SEMA3A: variants seen among roughly 807,000 people sequenced by gnomAD.
SEMA3A encodes semaphorin 3A.
A neutral mutation model predicts 97.9 loss-of-function variants in SEMA3A; 29 were observed. The ratio of observed to expected loss-of-function variants is 0.30; its 90% confidence interval spans 0.22 to 0.40. The LOEUF (loss-of-function observed/expected upper bound fraction) is 0.40, where lower values mean the gene tolerates loss of function less well. Among genes scored for constraint, SEMA3A ranks in the 10% least tolerant of loss-of-function variants. SEMA3A has a pLI of 1.00. For synonymous variants in SEMA3A, 321 were observed against 323.7 expected, an observed-to-expected ratio of 0.99 and a Z score of 0.09; for missense variants, 763 against 951.3, an observed-to-expected ratio of 0.80 and a Z score of 2.60.
intron 14 of SEMA3A, among the ~76,000 whole-genome samples, chr7:83,980,037 G>C (rs982665110): frequency 2.0e-5 from 3 of 152,014 alleles, no homozygotes; most frequent in Non-Finnish European, 4.4e-5. Flanking sequence ...CATAAAGCTG[G>C]TTCCATTTTA....
At chr7:84,448,717 G>A (rs190694771) in intron 1 of SEMA3A, among the ~76,000 whole-genome samples, 40 of 151,218 alleles carry the variant, frequency 2.6e-4, no homozygotes, top group Admixed American at 1.6e-3. Context: ...ACTTAATAAC[G>A]TTAATATGTC....
chr7:84,379,499 G>T (rs1377273267), intron 1 of SEMA3A, among the ~76,000 whole-genome samples: 1 of 152,066 alleles, frequency 6.6e-6, no homozygotes, highest in Non-Finnish European at 1.5e-5. Context: ...AAGAATTGAG[G>T]AAACTACCCA....
At chr7:84,420,735 G>A (rs1804567222) in intron 1 of SEMA3A, among the ~76,000 whole-genome samples, 1 of 152,072 alleles carries the variant, frequency 6.6e-6, no homozygotes, top group African/African-American at 2.4e-5. Flanking sequence ...TATGTGTCCA[G>A]GAATTTATTC....
chr7:84,046,532 GT>G, intron 5 of SEMA3A, 89 bp from the exon 6 acceptor site: 1 of 1,473,564 alleles, frequency 6.8e-7, no homozygotes, highest in South Asian at 1.2e-5. Flanking sequence ...CAAGTTTCAT[GT>G]TATGACCATG....
Position 84,488,262 on chromosome 7 carries a change from A to G in SEMA3A, c.-246+4198T>C, listed in dbSNP as rs539014848. Among the ~76,000 whole-genome samples, 11 of 152,010 alleles carry G rather than the reference A, an allele frequency of 7.2e-5. No individual in the cohort carries two copies. The South Asian group carries it at 2.3e-3, about 31-fold the overall frequency. On this transcript the variant is annotated intron_variant, in intron 1 of 3. Transcript: ENST00000424555. The stretch of plus-strand genomic sequence containing the variant: ...CCACATATGTAGGTTCTAGGAAATT[A>G]TATTTTAAATGAAATATTACAAAGA...
At chr7:84,445,516 A>AAAAAAAAAAAAAAAAAAAAAAAAAAC (rs1805391070) in intron 1 of SEMA3A, among the ~76,000 whole-genome samples, 1 of 123,698 alleles carries the variant, frequency 8.1e-6, no homozygotes, top group Non-Finnish European at 1.6e-5. Context: ...AAAAAAAAAA[A>AAAAAAAAAAAAAAAAAAAAAAAAAAC]AAAAGAAAAG....
intron 2 of SEMA3A, among the ~76,000 whole-genome samples, chr7:84,325,480 G>A (rs2115927325): frequency 6.6e-6 from 1 of 152,130 alleles, no homozygotes; most frequent in South Asian, 2.1e-4. Context: ...TGAGACAGAA[G>A]AGACTCAAAG....
chr7:84,202,414 A>G (rs1195243230), intron 3 of SEMA3A, among the ~76,000 whole-genome samples: 1 of 152,206 alleles, frequency 6.6e-6, no homozygotes, highest in Non-Finnish European at 1.5e-5. Context: ...CATCTATTAA[A>G]TATTCACTGC....
intron 1 of SEMA3A, among the ~76,000 whole-genome samples, chr7:84,433,222 C>T (rs981953126): frequency 6.6e-6 from 1 of 151,728 alleles, no homozygotes; most frequent in Non-Finnish European, 1.5e-5. Context: ...GCTATCCCTC[C>T]CCTAGCCTCC....
At chr7:84,128,310 A>T (rs1294110031) in intron 3 of SEMA3A, among the ~76,000 whole-genome samples, 1 of 152,158 alleles carries the variant, frequency 6.6e-6, no homozygotes, top group Admixed American at 6.6e-5. Flanking sequence ...AGAAGGAAAA[A>T]GAAAAGGAAA....
chr7:84,181,097 GCC>G (rs1445500350), intron 1 of SEMA3A, among the ~76,000 whole-genome samples: 1 of 151,928 alleles, frequency 6.6e-6, no homozygotes, highest in Non-Finnish European at 1.5e-5. Flanking sequence ...TTAAATATCT[GCC>G]AGTGATTTCT....
chr7:84,324,829 A>G (rs1021179266), intron 2 of SEMA3A, among the ~76,000 whole-genome samples: 1 of 152,144 alleles, frequency 6.6e-6, no homozygotes, highest in African/African-American at 2.4e-5. Context: ...ATAATCATTA[A>G]TCATAAAAAT....
At chr7:84,339,946 T>A (rs1802123117) in intron 2 of SEMA3A, among the ~76,000 whole-genome samples, 1 of 151,972 alleles carries the variant, frequency 6.6e-6, no homozygotes, top group African/African-American at 2.4e-5. Context: ...ATTATAATCC[T>A]CAAATCATCA....
intron 1 of SEMA3A, among the ~76,000 whole-genome samples, chr7:84,141,162 CAATGGGCATCT>C (rs1443891854): frequency 1.3e-5 from 2 of 152,220 alleles, no homozygotes; most frequent in East Asian, 3.9e-4. Context: ...GGGCCAATAC[CAATGGGCATCT>C]ATATGCTTTT....
At chr7:84,412,704 T>C (rs1346840796) in intron 1 of SEMA3A, among the ~76,000 whole-genome samples, 1 of 152,194 alleles carries the variant, frequency 6.6e-6, no homozygotes, top group Non-Finnish European at 1.5e-5. Context: ...AAAGCAAGCC[T>C]TTTTATTTGT....
intron 1 of SEMA3A, among the ~76,000 whole-genome samples, chr7:84,373,659 C>T (rs1803029175): frequency 6.6e-6 from 1 of 152,104 alleles, no homozygotes; most frequent in Non-Finnish European, 1.5e-5. Context: ...AATAGAATTG[C>T]AATAATACAA....
intron 1 of SEMA3A, among the ~76,000 whole-genome samples, chr7:84,187,552 G>C (rs1797923495): frequency 6.6e-6 from 1 of 152,030 alleles, no homozygotes; most frequent in African/African-American, 2.4e-5. Context: ...TGGTTCAGAA[G>C]GAGATACTGT....
chr7:84,238,508 G>A (rs1282669624), intron 3 of SEMA3A, among the ~76,000 whole-genome samples: 2 of 152,016 alleles, frequency 1.3e-5, no homozygotes, highest in African/African-American at 4.8e-5. Flanking sequence ...ATGGAGTGAG[G>A]AGAAATAATA....
chr7:84,423,092 GATA>G (rs1366566064), intron 1 of SEMA3A, among the ~76,000 whole-genome samples: 7 of 151,984 alleles, frequency 4.6e-5, no homozygotes, highest in Admixed American at 6.6e-5. Flanking sequence ...GCTTCCAATA[GATA>G]ATAGTTTTAC....
Sources: allele counts gnomAD v4.1 joint callset (sites outside exome capture counted in the v4.1 genomes callset), GRCh38; gene constraint gnomAD v4.1.1; transcripts MANE v1.5; gene names NCBI Gene and HGNC (gene_info 2026-07-23, HGNC 2026-07-21).